Variants in RAP2A observed in about 807,000 individuals in gnomAD.
RAP2A encodes RAP2A, member of RAS oncogene family, also known as ras-related protein Rap-2a.
Under a neutral mutation model 15.1 loss-of-function variants are expected in RAP2A, and 5 were observed. That is an observed-to-expected ratio of 0.33 (90% confidence interval 0.17 to 0.70). The LOEUF is 0.70. RAP2A is among the 30% of genes least tolerant of loss of function. The probability of loss-of-function intolerance (pLI) is 0.68; values close to 1 mark genes in which losing one functional copy is unlikely to be tolerated. For synonymous variants in RAP2A, 110 were observed against 99.7 expected (o/e 1.10, Z -0.62); for missense variants, 111 against 240.3 (o/e 0.46, Z 3.56).
chr13:97,444,722 T>C (rs2066672705), intron 1 of RAP2A, among the ~76,000 whole-genome samples: 1 of 152,234 alleles, frequency 6.6e-6, no homozygotes. Context: ...TTTCAAAATA[T>C]TTTTGCACCA....
At chr13:97,446,238 G>A (rs1312268869) in intron 1 of RAP2A, among the ~76,000 whole-genome samples, 1 of 151,914 alleles carries the variant, frequency 6.6e-6, no homozygotes, top group Non-Finnish European at 1.5e-5. Flanking sequence ...AAATTTTATG[G>A]TCACTATAGA....
intron 1 of RAP2A, among the ~76,000 whole-genome samples, chr13:97,462,975 T>G (rs1259863141): frequency 6.6e-6 from 1 of 150,678 alleles, no homozygotes; most frequent in Non-Finnish European, 1.5e-5. Context: ...GCATCCTGCC[T>G]CAAAGGCTTG....
At chr13:97,463,227 T>C (rs1163910251) in intron 1 of RAP2A, among the ~76,000 whole-genome samples, 1 of 152,152 alleles carries the variant, frequency 6.6e-6, no homozygotes. Context: ...GAATAGTAAA[T>C]AAATGTGCAG....
intron 1 of RAP2A, among the ~76,000 whole-genome samples, chr13:97,438,128 T>G (rs550366389): frequency 6.6e-6 from 1 of 152,368 alleles, no homozygotes; most frequent in African/African-American, 2.4e-5. Flanking sequence ...TCAGTTGAAA[T>G]AAAACTAGAA....
At chr13:97,458,159 G>GT (rs1379494042) in intron 1 of RAP2A, among the ~76,000 whole-genome samples, 1 of 152,078 alleles carries the variant, frequency 6.6e-6, no homozygotes, top group Non-Finnish European at 1.5e-5. Flanking sequence ...TTTTTTTGAC[G>GT]TTTTGCCTTG....
rs2066622867 is a variant in RAP2A, at chr13:97,434,322, C to CCGGCGCCCAGGGGGCCGCCG, written c.-144_-125dup. On this transcript the variant is annotated 5_prime_UTR_variant, in exon 1 of 2. The change creates a premature stop within an existing upstream ORF in the 5' untranslated region. Coordinates refer to ENST00000245304, the MANE Select transcript of RAP2A (RefSeq NM_021033.7). ...GCTCCCTCAGTTGCCGCCGCCGCCG[C>CCGGCGCCCAGGGGGCCGCCG]CGGCGCCCAGGGGGCCGCCGCGGCT... 1 of 485,140 alleles carries CCGGCGCCCAGGGGGCCGCCG rather than the reference C, an allele frequency of 2.1e-6. No homozygotes were observed. The highest frequency in any genetic ancestry group is 2.7e-6 in the Non-Finnish European group (1 of 376,690). The allele number at this position is 485,140 out of a possible 1,614,324, so 30.1% of individuals were successfully genotyped here. A position where few individuals can be genotyped will look rare whatever the true frequency, so the allele number is the denominator to read the frequency against.
chr13:97,456,893 G>C (rs1321064859), intron 1 of RAP2A, among the ~76,000 whole-genome samples: 5 of 152,154 alleles, frequency 3.3e-5, no homozygotes, highest in Non-Finnish European at 7.4e-5. Context: ...GTTGGAGGAA[G>C]AGGGCAGGTT....
intron 1 of RAP2A, among the ~76,000 whole-genome samples, chr13:97,453,762 T>G (rs1235341344): frequency 1.3e-5 from 2 of 151,190 alleles, no homozygotes; most frequent in African/African-American, 4.9e-5. Flanking sequence ...TTATCATGGT[T>G]AATTTTATGC....
chr13:97,447,170 A>G (rs1008003591), intron 1 of RAP2A, among the ~76,000 whole-genome samples: 1 of 152,182 alleles, frequency 6.6e-6, no homozygotes, highest in African/African-American at 2.4e-5. Context: ...CAATTGATCT[A>G]CCCGATGTCA....
Position 97,467,924 on chromosome 13 carries a change from ACT to A in RAP2A, c.*3484_*3485del, listed in dbSNP as rs1250364427. ...AATTAAAACATGAATTGTAGTTATA[ACT>A]CAATGCAAATTCAACAGTTGTATTT... On this transcript the variant is annotated 3_prime_UTR_variant, in exon 2 of 2. Transcript: ENST00000245304. The A allele has an allele frequency of 6.6e-6, 1 of 152,616 alleles. No individual in the cohort carries two copies. The highest frequency in any genetic ancestry group is 1.5e-5 in the Non-Finnish European group (1 of 68,038). The allele number at this position is 152,616 out of a possible 1,614,324, so 9.5% of individuals were successfully genotyped here. A position where few individuals can be genotyped will look rare whatever the true frequency, so the allele number is the denominator to read the frequency against.
At position 97,466,161 on chromosome 13, in the gene RAP2A, A is replaced by T. The variant is rs1594330225; in HGVS notation, c.*1719A>T. ...GTGTCTTTTATACTTTTATGAAATC[A>T]TTGGTAGCCCCCCAAGTGTTTAATA... On this transcript the variant is annotated 3_prime_UTR_variant, in exon 2 of 2. Transcript: ENST00000245304. 6.6e-6 allele frequency: 1 copy of T among 151,828 alleles called. No homozygotes were observed. Among genetic ancestry groups the T allele is most frequent in the East Asian group, 1.9e-4 (1 of 5,192 alleles). The allele number at this position is 151,828 out of a possible 1,614,324, so 9.4% of individuals were successfully genotyped here.
rs775664340 is a variant in RAP2A at position 97,434,804 on chromosome 13, G to T, written c.314+20G>T. The stretch of plus-strand genomic sequence containing the variant: ...GAAGCGGTGAGCGAGGGCACACGGG[G>T]GCTTGGCGGCTGCACCCCGGAGTCA... On this transcript the variant is annotated intron_variant, in intron 1 of 1. Transcript: ENST00000245304. The T allele has an allele frequency of 2.5e-6, 4 of 1,611,866 alleles. No homozygotes were observed. The highest frequency in any genetic ancestry group is 1.7e-6 in the Non-Finnish European group (2 of 1,178,808).
At position 97,436,447 on chromosome 13, in the gene RAP2A, A is replaced by G. The variant is rs1250719247; in HGVS notation, c.314+1663A>G. On this transcript the variant is annotated intron_variant, in intron 1 of 1. Transcript: ENST00000245304. The stretch of plus-strand genomic sequence containing the variant: ...ATACATCAAAAAATAATCTAAGTAA[A>G]TGCCCCAACAGCCTCACCCTTCACA... Among the ~76,000 whole-genome samples, 4 of 152,146 alleles carry G rather than the reference A, an allele frequency of 2.6e-5. No individual in the cohort carries two copies. In the East Asian group the frequency reaches 7.7e-4, roughly 29 times the overall value.
intron 1 of RAP2A, among the ~76,000 whole-genome samples, chr13:97,452,841 T>G (rs1406819357): frequency 6.6e-6 from 1 of 151,440 alleles, no homozygotes. Flanking sequence ...TAATTCTTGT[T>G]GTGAAGGTCT....
At chr13:97,444,107 T>C (rs1194261436) in intron 1 of RAP2A, among the ~76,000 whole-genome samples, 2 of 152,228 alleles carry the variant, frequency 1.3e-5, no homozygotes, top group African/African-American at 4.8e-5. Context: ...CCTAGTATAG[T>C]ATAACATTTC....
chr13:97,452,581 C>G (rs989833635), intron 1 of RAP2A, among the ~76,000 whole-genome samples: 1 of 150,858 alleles, frequency 6.6e-6, no homozygotes, highest in African/African-American at 2.4e-5. Context: ...TTTGCTTTGG[C>G]TCTTCTAGGT....
At position 97,458,193 on chromosome 13, in the gene RAP2A, A is replaced by C. The variant is rs188390086; in HGVS notation, c.315-6012A>C. On this transcript the variant is annotated intron_variant, in intron 1 of 1. Coordinates refer to ENST00000245304, the MANE Select transcript of RAP2A (RefSeq NM_021033.7). ...TGGGACTCTCTTGGTAGATGATTTTAACTGTGTGAAAAGATGAATGAGGGG... is the reference window on the plus strand; with the variant it reads ...TGGGACTCTCTTGGTAGATGATTTTCACTGTGTGAAAAGATGAATGAGGGG... Among the ~76,000 whole-genome samples, 13 of 152,288 alleles carry C rather than the reference A, an allele frequency of 8.5e-5. No homozygotes were observed. The East Asian group carries it at 2.1e-3, about 25-fold the overall frequency.
intron 1 of RAP2A, among the ~76,000 whole-genome samples, chr13:97,462,995 TG>T (rs1233530977): frequency 8.6e-6 from 1 of 116,090 alleles, no homozygotes; most frequent in Non-Finnish European, 1.9e-5. Flanking sequence ...GACCATGGGG[TG>T]GTTTTCTCTT....
chr13:97,458,878 G>A (rs973499108), intron 1 of RAP2A, among the ~76,000 whole-genome samples: 2 of 151,946 alleles, frequency 1.3e-5, no homozygotes, highest in African/African-American at 4.8e-5. Context: ...CTACAGCTAA[G>A]TGATGCTACA....
Sources: allele counts gnomAD v4.1 joint callset (sites outside exome capture counted in the v4.1 genomes callset), GRCh38; gene constraint gnomAD v4.1.1; transcripts MANE v1.5; gene names NCBI Gene and HGNC (gene_info 2026-07-23, HGNC 2026-07-21).